Variants in AMPH observed in about 807,000 individuals in gnomAD.
The protein encoded by AMPH is amphiphysin (Stiff-Mann syndrome with breast cancer 128kD autoantigen).
AMPH carries 49 observed loss-of-function variants against 99.1 expected under a neutral mutation model. The ratio of observed to expected loss-of-function variants is 0.49; its 90% CI spans 0.39 to 0.63. The LOEUF (loss-of-function observed/expected upper bound fraction) is 0.63, where lower values mean the gene tolerates loss of function less well. AMPH is among the 20% of genes least tolerant of loss of function. The pLI is 0.00. For synonymous variants in AMPH, 314 were observed against 317.3 expected (o/e 0.99, Z 0.11); for missense variants, 759 against 863.4 (o/e 0.88, Z 1.52).
Position 38,384,714 on chromosome 7 carries a change from A to G in AMPH, c.*104T>C, listed in dbSNP as rs1784303515. 2 of 906,100 alleles carry G rather than the reference A, an allele frequency of 2.2e-6. No homozygotes were observed. Among genetic ancestry groups the G allele is most frequent in the Non-Finnish European group, 3.5e-6 (2 of 574,818 alleles). 56.1% of individuals were successfully genotyped at this position (906,100 alleles called of 1,614,324 possible). ...ATCTTCCCAAGGTTTGTCTGGCATCAGTCTGTAAATCATTAAGAGCATAAT... is the reference window on the plus strand; with the variant it reads ...ATCTTCCCAAGGTTTGTCTGGCATCGGTCTGTAAATCATTAAGAGCATAAT... On this transcript the variant is annotated 3_prime_UTR_variant, in exon 21 of 21. Transcript: ENST00000356264.
intron 2 of AMPH, 56 bp from the exon 3 acceptor site, chr7:38,503,760 T>G: frequency 6.4e-7 from 1 of 1,563,560 alleles, no homozygotes; most frequent in Non-Finnish European, 8.8e-7. Flanking sequence ...CATGAAAACA[T>G]GTAAGAAGTG....
At chr7:38,529,408 A>G (rs1790310983) in intron 2 of AMPH, among the ~76,000 whole-genome samples, 2 of 152,236 alleles carry the variant, frequency 1.3e-5, no homozygotes, top group Admixed American at 6.5e-5. Context: ...TCACTTGGGA[A>G]CTTGTCAGAA....
chr7:38,614,251 T>C (rs144516307), intron 1 of AMPH, among the ~76,000 whole-genome samples: 1 of 152,178 alleles, frequency 6.6e-6, no homozygotes, highest in Non-Finnish European at 1.5e-5. Flanking sequence ...AAGGGAGGAA[T>C]TGATACTGGG....
intron 1 of AMPH, among the ~76,000 whole-genome samples, chr7:38,586,332 T>G (rs2129056680): frequency 6.6e-6 from 1 of 152,336 alleles, no homozygotes; most frequent in Middle Eastern, 3.4e-3. Context: ...GGGCATTCTC[T>G]GAGCAAAACA....
At chr7:38,613,804 CA>C (rs71558128) in intron 1 of AMPH, among the ~76,000 whole-genome samples, 6,355 of 144,722 alleles carry the variant, frequency 0.044, 183 homozygotes, top group Admixed American at 0.084. Flanking sequence ...GAATAAAAGC[CA>C]AAAAAAAAAA....
At position 38,463,097 on chromosome 7, in the gene AMPH, G is replaced by C. The variant is rs777511764; in HGVS notation, c.766C>G (p.Arg256Gly). 1 of 1,613,470 alleles carries C rather than the reference G, an allele frequency of 6.2e-7. No individual in the cohort carries two copies. Among genetic ancestry groups the C allele is most frequent in the East Asian group, 2.2e-5 (1 of 44,864 alleles). Residue 256 changes from arginine (R) to glycine (G), a missense_variant, in exon 10 of 21, where the codon CGC becomes GGC. This residue lies in a region of AMPH where 554 missense variants were observed against 575.6 expected (regional missense o/e 0.96). Transcript: ENST00000356264. The stretch of plus-strand genomic sequence containing the variant: ...GGCGGTGATGGTGTCTTTGCAATGC[G>C]GAGAGGACCCGAATCACTAGAGGAA... ...QGAPSDSGPL[R>G]IAKTPSPPEE...
At chr7:38,501,996 G>A (rs1277735197) in intron 3 of AMPH, among the ~76,000 whole-genome samples, 2 of 152,024 alleles carry the variant, frequency 1.3e-5, no homozygotes, top group Non-Finnish European at 2.9e-5. Context: ...TGAGGATAAG[G>A]CTTTTTTGCG....
intron 1 of AMPH, among the ~76,000 whole-genome samples, chr7:38,607,209 C>T (rs1224255834): frequency 6.6e-6 from 1 of 152,118 alleles, no homozygotes; most frequent in African/African-American, 2.4e-5. Context: ...GAGAAATGCC[C>T]TAAATTCTAC....
chr7:38,562,952 G>A (rs899284166), intron 1 of AMPH, among the ~76,000 whole-genome samples: 2 of 152,164 alleles, frequency 1.3e-5, no homozygotes, highest in East Asian at 1.9e-4. Context: ...GCATAGCCAC[G>A]AGTACCTGAA....
At chr7:38,390,302 A>G (rs1037232744) in intron 19 of AMPH, among the ~76,000 whole-genome samples, 8 of 152,212 alleles carry the variant, frequency 5.3e-5, no homozygotes, top group Non-Finnish European at 2.9e-5. Flanking sequence ...CAGGTTATAC[A>G]GTAATTACTA....
intron 11 of AMPH, among the ~76,000 whole-genome samples, chr7:38,450,802 T>C (rs1786982092): frequency 6.6e-6 from 1 of 152,140 alleles, no homozygotes; most frequent in Non-Finnish European, 1.5e-5. Flanking sequence ...GCAAAAAATA[T>C]TTGCTCAGGG....
chr7:38,566,204 G>A (rs547202302), intron 1 of AMPH, among the ~76,000 whole-genome samples: 1 of 152,178 alleles, frequency 6.6e-6, no homozygotes, highest in Non-Finnish European at 1.5e-5. Flanking sequence ...ATGATTTTGG[G>A]AAAAGCACCT....
intron 6 of AMPH, among the ~76,000 whole-genome samples, chr7:38,475,874 C>T (rs1788062383): frequency 6.6e-6 from 1 of 152,126 alleles, no homozygotes; most frequent in Non-Finnish European, 1.5e-5. Flanking sequence ...CCTAAAGAAT[C>T]AGAAAATGTT....
At chr7:38,438,238 T>C (rs1786367498) in intron 11 of AMPH, among the ~76,000 whole-genome samples, 1 of 152,236 alleles carries the variant, frequency 6.6e-6, no homozygotes, top group Non-Finnish European at 1.5e-5. Flanking sequence ...TTTATTGCCT[T>C]TAAAGCATTT....
chr7:38,495,320 A>G (rs1259878951), intron 3 of AMPH, among the ~76,000 whole-genome samples: 1 of 152,242 alleles, frequency 6.6e-6, no homozygotes, highest in Non-Finnish European at 1.5e-5. Context: ...AGAGCAGTAC[A>G]CACATTTAAG....
At chr7:38,571,335 T>TATATATAATATATATTTAC (rs1792007464) in intron 1 of AMPH, among the ~76,000 whole-genome samples, 2 of 60,470 alleles carry the variant, frequency 3.3e-5, no homozygotes, top group Non-Finnish European at 5.9e-5. Flanking sequence ...TATATATTTA[T>TATATATAATATATATTTAC]ATATAGAATA....
chr7:38,407,208 T>C lies in AMPH; in HGVS notation c.1398+10617A>G. 1.4e-5 allele frequency among the ~76,000 whole-genome samples: 2 copies of C among 148,022 alleles called. 1 individual carries two copies. The highest frequency in any genetic ancestry group is 3.0e-5 in the Non-Finnish European group (2 of 67,024). ...AGCAATTACTCTCTCTCCCTCTCTCTATATCTATCTATAGATAGATAGATA... is the reference window on the plus strand; with the variant it reads ...AGCAATTACTCTCTCTCCCTCTCTCCATATCTATCTATAGATAGATAGATA... On this transcript the variant is annotated intron_variant, in intron 17 of 20. Coordinates refer to ENST00000356264, the MANE Select transcript of AMPH (RefSeq NM_001635.4).
At chr7:38,488,992 A>T (rs76740707) in intron 5 of AMPH, among the ~76,000 whole-genome samples, 1 of 136,546 alleles carries the variant, frequency 7.3e-6, no homozygotes, top group Non-Finnish European at 1.6e-5. Context: ...AGTTTTTTTT[A>T]ATTCTAAAAT....
chr7:38,522,727 T>C (rs570490762), intron 2 of AMPH, among the ~76,000 whole-genome samples: 2 of 152,212 alleles, frequency 1.3e-5, no homozygotes, highest in South Asian at 2.1e-4. Context: ...GCTGGTTACA[T>C]AAGGGAGACT....
Sources: allele counts gnomAD v4.1 joint callset (sites outside exome capture counted in the v4.1 genomes callset), GRCh38; gene constraint gnomAD v4.1.1; regional missense constraint gnomAD v4.1.1; transcripts MANE v1.5; gene names NCBI Gene and HGNC (gene_info 2026-07-23, HGNC 2026-07-21).